LRRTM4: variants seen among roughly 807,000 people sequenced by gnomAD.
The protein encoded by LRRTM4 is leucine-rich repeat transmembrane neuronal protein 4.
A neutral mutation model predicts 47.6 loss-of-function variants in LRRTM4; 25 were observed. The observed-to-expected ratio is 0.53, with a 90% CI of 0.38 to 0.73. LRRTM4 has a LOEUF of 0.73. LRRTM4 is among the 30% of genes least tolerant of loss of function. The pLI is 0.00. For synonymous variants in LRRTM4, 311 were observed against 269.5 expected, an observed-to-expected ratio of 1.15 and a Z score of -1.51; for missense variants, 638 against 713.4, an observed-to-expected ratio of 0.89 and a Z score of 1.20.
intron 3 of LRRTM4, among the ~76,000 whole-genome samples, chr2:76,763,188 G>C (rs907110529): frequency 2.0e-5 from 3 of 152,162 alleles, no homozygotes; most frequent in Non-Finnish European, 2.9e-5. Context: ...AAAAAAAACA[G>C]TGCTCTCATA....
rs571435921 is a variant in LRRTM4 at position 77,195,436 on chromosome 2, T to C, written c.1551+322882A>G. The stretch of plus-strand genomic sequence containing the variant: ...TGAATAAACAAGACCATTACACGTA[T>C]ATTTAATAAACTTTAACAAGTAGGA... On this transcript the variant is annotated intron_variant, in intron 3 of 3. Coordinates refer to ENST00000409884, the MANE Select transcript of LRRTM4 (RefSeq NM_001134745.3). 1.1e-3 allele frequency among the ~76,000 whole-genome samples: 170 copies of C among 152,202 alleles called. 2 individuals are homozygous for C. The highest frequency in any genetic ancestry group is 3.3e-3 in the African/African-American group (136 of 41,570).
At chr2:77,477,877 GAA>G (rs1677472657) in intron 3 of LRRTM4, among the ~76,000 whole-genome samples, 1 of 106,302 alleles carries the variant, frequency 9.4e-6, no homozygotes, top group Admixed American at 1.1e-4. Context: ...GAGAAAGAAA[GAA>G]AGAGAAAGAA....
intron 3 of LRRTM4, among the ~76,000 whole-genome samples, chr2:76,966,750 T>C (rs745338014): frequency 2.6e-5 from 4 of 151,480 alleles, no homozygotes; most frequent in Non-Finnish European, 5.9e-5. Flanking sequence ...AATTCCAACA[T>C]GATTTTTTGC....
At chr2:77,512,268 T>A (rs1013235399) in intron 3 of LRRTM4, among the ~76,000 whole-genome samples, 1 of 152,130 alleles carries the variant, frequency 6.6e-6, no homozygotes, top group African/African-American at 2.4e-5. Flanking sequence ...GACGTTTATT[T>A]AAAAAGCCAA....
At chr2:77,287,104 T>C (rs1277173104) in intron 3 of LRRTM4, among the ~76,000 whole-genome samples, 1 of 152,048 alleles carries the variant, frequency 6.6e-6, no homozygotes, top group East Asian at 1.9e-4. Context: ...GACCTCTGTA[T>C]CATTCACTGG....
intron 3 of LRRTM4, among the ~76,000 whole-genome samples, chr2:77,308,653 C>A (rs1326559090): frequency 6.6e-6 from 1 of 152,048 alleles, no homozygotes; most frequent in African/African-American, 2.4e-5. Flanking sequence ...CCCCATTTTT[C>A]TTCTATCATT....
chr2:76,831,083 A>C (rs1671337374), intron 3 of LRRTM4, among the ~76,000 whole-genome samples: 1 of 152,096 alleles, frequency 6.6e-6, no homozygotes, highest in Non-Finnish European at 1.5e-5. Context: ...TCTTGTTTTA[A>C]GGTGATGCTG....
rs1676255916 is a variant in LRRTM4, at chr2:77,451,589, A to G, written c.1551+66729T>C. On this transcript the variant is annotated intron_variant, in intron 3 of 3. Transcript: ENST00000409884. ...GGAGTTAGAGAATGAGGTCTACACT[A>G]TACTTGTAATTCTCTTAAATTCTAG... Among the ~76,000 whole-genome samples, 2 of 152,358 alleles carry G rather than the reference A, an allele frequency of 1.3e-5. 1 individual carries two copies. Among genetic ancestry groups the G allele is most frequent in the Admixed American group, 1.3e-4 (2 of 15,304 alleles).
At chr2:76,998,773 T>TG (rs1396899955) in intron 3 of LRRTM4, among the ~76,000 whole-genome samples, 2 of 151,632 alleles carry the variant, frequency 1.3e-5, no homozygotes, top group Admixed American at 1.3e-4. Context: ...TTTTCTGTTT[T>TG]TTTTTTTTTT....
chr2:76,977,845 C>T (rs1022794720), intron 3 of LRRTM4, among the ~76,000 whole-genome samples: 9 of 152,012 alleles, frequency 5.9e-5, no homozygotes, highest in South Asian at 2.1e-4. Context: ...AAAACAAATA[C>T]GGATTAGGGC....
chr2:77,277,522 C>T (rs890130128), intron 3 of LRRTM4, among the ~76,000 whole-genome samples: 1 of 151,802 alleles, frequency 6.6e-6, no homozygotes, highest in Admixed American at 6.6e-5. Context: ...TCAGATTTTC[C>T]ATTTCTTTTC....
intron 3 of LRRTM4, among the ~76,000 whole-genome samples, chr2:77,406,357 T>C (rs796154937): frequency 8.5e-5 from 13 of 152,270 alleles, no homozygotes; most frequent in African/African-American, 3.1e-4. Context: ...GGTCTCATTC[T>C]GTTGCCCAGG....
At chr2:77,487,181 C>T (rs1677950406) in intron 3 of LRRTM4, among the ~76,000 whole-genome samples, 1 of 152,230 alleles carries the variant, frequency 6.6e-6, no homozygotes, top group Non-Finnish European at 1.5e-5. Context: ...GGAGCCCCGC[C>T]CCCTTCTGAG....
rs552458126 is a variant in LRRTM4 at position 76,791,213 on chromosome 2, C to G, written c.1552-42297G>C. Among the ~76,000 whole-genome samples the G allele has an allele frequency of 4.1e-4, 62 of 152,240 alleles. 1 individual carries two copies. Among genetic ancestry groups the G allele is most frequent in the African/African-American group, 1.4e-3 (59 of 41,548 alleles). On this transcript the variant is annotated intron_variant, in intron 3 of 3. Transcript: ENST00000409884. ...AGCTGGAAGTGATCCAGGCATGTGGCTTGCCAAAACCCTAACGTGACTCAA... is the reference window on the plus strand; with the variant it reads ...AGCTGGAAGTGATCCAGGCATGTGGGTTGCCAAAACCCTAACGTGACTCAA...
intron 3 of LRRTM4, among the ~76,000 whole-genome samples, chr2:76,880,926 A>G (rs940097855): frequency 1.3e-4 from 20 of 152,184 alleles, no homozygotes; most frequent in Non-Finnish European, 2.9e-5. Flanking sequence ...GTAGTCGAAG[A>G]TACAAGAGTC....
intron 3 of LRRTM4, among the ~76,000 whole-genome samples, chr2:77,512,260 C>T (rs1679050189): frequency 2.0e-5 from 3 of 152,154 alleles, no homozygotes; most frequent in South Asian, 4.1e-4. Context: ...TTCTAGCAGA[C>T]GTTTATTTAA....
intron 3 of LRRTM4, among the ~76,000 whole-genome samples, chr2:77,379,408 C>T (rs1672964673): frequency 6.6e-6 from 1 of 152,042 alleles, no homozygotes; most frequent in Non-Finnish European, 1.5e-5. Flanking sequence ...TATACAACTA[C>T]ACTCTCTCCT....
In LRRTM4 at chr2:77,518,798, A is replaced by C; in HGVS notation, c.1071T>G (p.Tyr357Ter). 6.2e-7 allele frequency: 1 copy of C among 1,612,438 alleles called. No homozygotes were observed. The highest frequency in any genetic ancestry group is 8.5e-7 in the Non-Finnish European group (1 of 1,179,190). The change falls in exon 3 of 4, where the codon TAT becomes TAG. Residue 357 changes from tyrosine (Y) to a stop codon, truncating the protein, a stop_gained. Transcript: ENST00000409884. LOFTEE classifies it high-confidence loss of function. ...CCACCTGGACTTCAGAACAGATATT[A>C]TATGTTTCCACTGCATCACTAACCT... ...GEKVSDAVETYNICSEVQVVN... is the reference protein window; with the variant it reads ...GEKVSDAVET
At chr2:77,163,712 C>T (rs1365470180) in intron 3 of LRRTM4, among the ~76,000 whole-genome samples, 1 of 152,136 alleles carries the variant, frequency 6.6e-6, no homozygotes, top group Non-Finnish European at 1.5e-5. Flanking sequence ...CCAAACTAAG[C>T]TTCATAAGTG....
Sources: gnomAD v4.1 joint callset for allele counts (sites outside exome capture counted in the v4.1 genomes callset) on GRCh38, gnomAD v4.1.1 for gene constraint, MANE v1.5 for transcripts, NCBI Gene and HGNC (gene_info 2026-07-23, HGNC 2026-07-21) for gene names.